The following NXPE4 variants were observed in gnomAD, a reference collection of about 807,000 sequenced individuals.
NXPE4 encodes neurexophilin and PC-esterase domain family member 4, also known as NXPE family member 4.
Under a neutral mutation model 33.3 loss-of-function variants are expected in NXPE4, and 42 were observed. The ratio of observed to expected loss-of-function variants is 1.26; its 90% CI spans 0.98 to 1.63. NXPE4 has a LOEUF of 1.63. Ranked by LOEUF, NXPE4 falls within the 40% of genes most tolerant of loss-of-function variation. The pLI is 0.00. For synonymous variants in NXPE4, 253 were observed against 234.9 expected (o/e 1.08, Z -0.71); for missense variants, 709 against 647.6 (o/e 1.09, Z -1.03).
the NXPE4 span, among the ~76,000 whole-genome samples, chr11:114,666,312 A>T: frequency 6.6e-6 from 1 of 152,160 alleles, no homozygotes; most frequent in African/African-American, 2.4e-5. Context: ...GCCTGAGGCC[A>T]GTTCCAGGGC....
chr11:114,592,029 A>G (rs1367693291), intron 2 of NXPE4, among the ~76,000 whole-genome samples: 7 of 152,206 alleles, frequency 4.6e-5, no homozygotes, highest in Non-Finnish European at 1.0e-4. Flanking sequence ...ATGTACCTCA[A>G]AACAATAAAA....
chr11:114,609,730 T>TCC, the NXPE4 span, among the ~76,000 whole-genome samples: 3 of 151,810 alleles, frequency 2.0e-5, no homozygotes, highest in Non-Finnish European at 4.4e-5. Context: ...AAGTATTGCC[T>TCC]CATGGATAAC....
At chr11:114,600,842 T>C in the NXPE4 span, among the ~76,000 whole-genome samples, 1 of 152,106 alleles carries the variant, frequency 6.6e-6, no homozygotes, top group Admixed American at 6.6e-5. Context: ...GAATCCTCTA[T>C]ACTATTTTGA....
Position 114,591,761 on chromosome 11 carries a change from C to CTGTA in NXPE4, c.96+2899_96+2902dup, listed in dbSNP as rs374111840. Among the ~76,000 whole-genome samples the CTGTA allele has an allele frequency of 1.8e-3, 273 of 152,188 alleles. 3 individuals carry two copies. Among genetic ancestry groups the CTGTA allele is most frequent in the African/African-American group, 6.4e-3 (267 of 41,518 alleles). ...TGCCCCCTCATGGAATTCCAGGCCC[C>CTGTA]TGTATGATGTTTGCTAAAAGTAGTG... On this transcript the variant is annotated intron_variant, in intron 2 of 5. Transcript: ENST00000375478.
At chr11:114,640,010 ATAT>A in the NXPE4 span, among the ~76,000 whole-genome samples, 8 of 120,366 alleles carry the variant, frequency 6.6e-5, no homozygotes, top group East Asian at 2.4e-4. Flanking sequence ...ATGTAATAAT[ATAT>A]TATTTTATAA....
intron 2 of NXPE4, chr11:114,584,829 C>A (rs1340315547): frequency 6.6e-6 from 1 of 152,284 alleles, no homozygotes; most frequent in Middle Eastern, 3.2e-3. Flanking sequence ...AGGGACTAGA[C>A]AGAAATTAAG....
At chr11:114,635,970 C>A in the NXPE4 span, among the ~76,000 whole-genome samples, 2 of 152,046 alleles carry the variant, frequency 1.3e-5, no homozygotes, top group Non-Finnish European at 2.9e-5. Context: ...CAGGATGATG[C>A]TGGCCTCATA....
At chr11:114,640,516 C>A in the NXPE4 span, among the ~76,000 whole-genome samples, 1 of 151,752 alleles carries the variant, frequency 6.6e-6, no homozygotes, top group African/African-American at 2.4e-5. Context: ...AATTATAGTT[C>A]TTTGAGAAAC....
In NXPE4 at chr11:114,582,289, T is replaced by C; in HGVS notation, c.829A>G (p.Arg277Gly). The change falls in exon 3 of 6, where the codon AGG becomes GGG. Residue 277 changes from arginine to glycine, a missense_variant and splice_region_variant. By Grantham distance (125) the Arg-to-Gly change is moderately radical. Coordinates refer to ENST00000375478, the MANE Select transcript of NXPE4 (RefSeq NM_001077639.2). Reference protein sequence around the residue: ...LSKQEKSLFERSNVGVEIMEK... With the variant: ...LSKQEKSLFEGSNVGVEIMEK... The stretch of plus-strand genomic sequence containing the variant: ...GTCTCAAGAAGTAATTATTTTTACC[T>C]TTCAAAGAGGCTCTTTTCTTGTTTG... 1 of 1,562,512 alleles carries C rather than the reference T, an allele frequency of 6.4e-7. No individual in the cohort carries two copies. Among genetic ancestry groups the C allele is most frequent in the Non-Finnish European group, 8.6e-7 (1 of 1,156,764 alleles).
chr11:114,642,100 G>T, the NXPE4 span, among the ~76,000 whole-genome samples: 3 of 151,768 alleles, frequency 2.0e-5, no homozygotes, highest in Non-Finnish European at 4.4e-5. Flanking sequence ...AGTGGAAAAG[G>T]CTGGCAAACA....
At chr11:114,605,438 T>G in the NXPE4 span, among the ~76,000 whole-genome samples, 1 of 151,916 alleles carries the variant, frequency 6.6e-6, no homozygotes, top group Admixed American at 6.6e-5. Context: ...GCGTAACCAC[T>G]GTTACCCACT....
At chr11:114,627,846 C>CA in the NXPE4 span, among the ~76,000 whole-genome samples, 1 of 150,344 alleles carries the variant, frequency 6.7e-6, no homozygotes, top group Admixed American at 6.6e-5. Context: ...AAATGGAAAA[C>CA]AAAAAAATGC....
At position 114,571,221 on chromosome 11, in the gene NXPE4, G is replaced by C. The variant is rs10891705; in HGVS notation, c.1352C>G (p.Ala451Gly). 1.9e-6 allele frequency: 3 copies of C among 1,613,784 alleles called. No individual in the cohort carries two copies. In the East Asian group the frequency reaches 6.7e-5, roughly 36 times the overall value. Residue 451 changes from alanine to glycine, a missense_variant, in exon 6 of 6, where the codon GCC (alanine) becomes GGC (glycine). Physicochemically the swap from Ala to Gly is moderately conservative, Grantham distance 60. Transcript: ENST00000375478. ...PFPIDVFIRRALNVHKAIQHL... is the reference protein window; with the variant it reads ...PFPIDVFIRRGLNVHKAIQHL... ...CTGAATGGCTTTGTGGACATTGAGG[G>C]CCCTTCGGATAAAAACATCAATGGG...
chr11:114,659,677 T>G, the NXPE4 span, among the ~76,000 whole-genome samples: 1 of 152,026 alleles, frequency 6.6e-6, no homozygotes, highest in Non-Finnish European at 1.5e-5. Context: ...TAAAGCAGTG[T>G]TTGAGGGATA....
chr11:114,617,327 A>G, the NXPE4 span, among the ~76,000 whole-genome samples: 928 of 151,860 alleles, frequency 6.1e-3, 2 homozygotes, highest in Non-Finnish European at 8.9e-3. Flanking sequence ...CTCGTGGGTA[A>G]CCACTCTTAC....
intron 2 of NXPE4, among the ~76,000 whole-genome samples, chr11:114,585,916 C>A (rs538056254): frequency 1.3e-5 from 2 of 152,290 alleles, no homozygotes; most frequent in African/African-American, 4.8e-5. Context: ...CTTCCCTTTT[C>A]TTTGTCACCA....
the NXPE4 span, among the ~76,000 whole-genome samples, chr11:114,654,319 T>C: frequency 6.6e-6 from 1 of 152,092 alleles, no homozygotes; most frequent in Non-Finnish European, 1.5e-5. Flanking sequence ...AGGAAAGTTG[T>C]TTAAAATCTT....
Position 114,582,483 on chromosome 11 carries a change from G to T in NXPE4, c.635C>A (p.Thr212Asn), listed in dbSNP as rs527329057. 6.2e-7 allele frequency: 1 copy of T among 1,614,130 alleles called. No homozygotes were observed. Among genetic ancestry groups the T allele is most frequent in the South Asian group, 1.1e-5 (1 of 91,082 alleles). Residue 212 changes from threonine (T) to asparagine (N), a missense_variant, in exon 3 of 6, where the codon ACT becomes AAT. By Grantham distance (65) the Thr-to-Asn change is moderately conservative. Coordinates refer to ENST00000375478, the MANE Select transcript of NXPE4 (RefSeq NM_001077639.2). ...GCCACATTCAGAGTGGACTTGGGAA[G>T]TGCCATTGACAAACTGGCCAGTGAA... ...VIFTGQFVNGTSQVHSECGLI... is the reference protein window; with the variant it reads ...VIFTGQFVNGNSQVHSECGLI...
At chr11:114,644,822 AT>A in the NXPE4 span, among the ~76,000 whole-genome samples, 13 of 151,814 alleles carry the variant, frequency 8.6e-5, no homozygotes, top group African/African-American at 2.9e-4. Context: ...CCAGATATCA[AT>A]TTAAAAAAAA....
Sources: gnomAD v4.1 joint callset for allele counts (sites outside exome capture counted in the v4.1 genomes callset) on GRCh38, gnomAD v4.1.1 for gene constraint, MANE v1.5 for transcripts, NCBI Gene and HGNC (gene_info 2026-07-23, HGNC 2026-07-21) for gene names.